Variants in BBS9 observed in about 807,000 individuals in gnomAD.
BBS9 encodes protein PTHB1.
Under a neutral mutation model 117.7 loss-of-function variants are expected in BBS9, and 89 were observed. The ratio of observed to expected loss-of-function variants is 0.76; its 90% CI spans 0.64 to 0.90. The LOEUF (loss-of-function observed/expected upper bound fraction) is 0.90, where lower values mean the gene tolerates loss of function less well. Among genes scored for constraint, BBS9 ranks in the 40% least tolerant of loss-of-function variants. The pLI, the probability that BBS9 is intolerant of heterozygous loss-of-function variation, is 0.00. For missense variants in BBS9, 982 were observed against 1,042.2 expected (o/e 0.94, Z 0.80); for synonymous variants, 379 against 370.9 (o/e 1.02, Z -0.25).
intron 15 of BBS9, among the ~76,000 whole-genome samples, chr7:33,353,359 T>C (rs1819025158): frequency 6.6e-6 from 1 of 152,194 alleles, no homozygotes; most frequent in Non-Finnish European, 1.5e-5. Flanking sequence ...TGTAGGGGAA[T>C]GTTATCAAAC....
At chr7:33,219,671 A>G (rs921210961) in intron 5 of BBS9, among the ~76,000 whole-genome samples, 1 of 151,966 alleles carries the variant, frequency 6.6e-6, no homozygotes, top group Non-Finnish European at 1.5e-5. Flanking sequence ...GACATGGAGA[A>G]CCTTTGTGTC....
rs758450052 is a variant in BBS9, at chr7:33,303,522, T to TCCCCC, written c.1016+29568_1016+29572dup. On this transcript the variant is annotated intron_variant, in intron 9 of 22. Coordinates refer to ENST00000242067, the MANE Select transcript of BBS9 (RefSeq NM_198428.3). ...TTTAGTATCAACTGAAATGATCCCC[T>TCCCCC]CCCCCCGCCCCTTCTTTCTTTGGTC... Among the ~76,000 whole-genome samples the TCCCCC allele has an allele frequency of 6.4e-4, 49 of 77,052 alleles. 1 individual carries two copies. The highest frequency in any genetic ancestry group is 2.1e-3 in the African/African-American group (35 of 17,054). 50.5% of individuals were successfully genotyped at this position (77,052 alleles called of 152,430 possible). A position where few individuals can be genotyped will look rare whatever the true frequency, so the allele number is the denominator to read the frequency against.
At chr7:33,343,498 T>TCCCCG (rs1269908581) in intron 11 of BBS9, among the ~76,000 whole-genome samples, 1 of 145,078 alleles carries the variant, frequency 6.9e-6, no homozygotes. Flanking sequence ...TCCCCTCCCC[T>TCCCCG]CCCCGCCCCT....
At chr7:33,635,266 A>G (rs1407109865) in exon 22 of BBS9, among the ~76,000 whole-genome samples, 1 of 152,294 alleles carries the variant, frequency 6.6e-6, no homozygotes, top group African/African-American at 2.4e-5. Flanking sequence ...GGGACCCAAA[A>G]GCTAAGCGGG....
chr7:33,420,368 AAC>A (rs1269029298), intron 19 of BBS9, among the ~76,000 whole-genome samples: 1 of 152,126 alleles, frequency 6.6e-6, no homozygotes, highest in Non-Finnish European at 1.5e-5. Flanking sequence ...TCTTCTCTAC[AAC>A]ACAGTGTTGT....
chr7:33,333,113 A>G (rs1024647432), intron 9 of BBS9, among the ~76,000 whole-genome samples: 1 of 152,062 alleles, frequency 6.6e-6, no homozygotes, highest in African/African-American at 2.4e-5. Context: ...GCTTACATGG[A>G]TAAGTTCTTT....
At chr7:33,562,795 G>A (rs568404771) in intron 21 of BBS9, among the ~76,000 whole-genome samples, 19 of 152,192 alleles carry the variant, frequency 1.2e-4, no homozygotes, top group South Asian at 2.1e-4. Flanking sequence ...ATGGTGGCAC[G>A]CGCCTGTAGT....
intron 1 of BBS9, among the ~76,000 whole-genome samples, chr7:33,137,120 C>T (rs923227667): frequency 2.0e-5 from 3 of 152,090 alleles, no homozygotes; most frequent in African/African-American, 4.8e-5. Flanking sequence ...CCTGTGCTGT[C>T]GGTGCCCAGA....
At chr7:33,610,960 C>G (rs1864823896), downstream of BBS9, among the ~76,000 whole-genome samples, 1 of 152,054 alleles carries the variant, frequency 6.6e-6, no homozygotes, top group Admixed American at 6.6e-5. Flanking sequence ...AGCAGCCACT[C>G]CATGAATTGT....
At chr7:33,254,567 A>G (rs1796719451) in intron 5 of BBS9, among the ~76,000 whole-genome samples, 1 of 152,174 alleles carries the variant, frequency 6.6e-6, no homozygotes, top group Non-Finnish European at 1.5e-5. Context: ...AGTGTCCATT[A>G]TTATTCACTG....
intron 21 of BBS9, among the ~76,000 whole-genome samples, chr7:33,628,855 T>C (rs1865759810): frequency 6.6e-6 from 1 of 152,206 alleles, no homozygotes; most frequent in African/African-American, 2.4e-5. Flanking sequence ...CACTTGATAA[T>C]ATCCATATAT....
chr7:33,497,607 A>G lies in BBS9; in HGVS notation c.2116-7856A>G, dbSNP rs190028979. On this transcript the variant is annotated intron_variant, in intron 19 of 22. Coordinates refer to ENST00000242067, the MANE Select transcript of BBS9 (RefSeq NM_198428.3). ...ACAAGCAATGTCTGGCTCCCCAAGT[A>G]ACAAGCCTCAGAGGATTTCTAGAGA... is the stretch of plus-strand genomic sequence containing the variant. 2.7e-3 allele frequency among the ~76,000 whole-genome samples: 405 copies of G among 152,326 alleles called. 4 individuals are homozygous for G. Among genetic ancestry groups the G allele is most frequent in the African/African-American group, 9.2e-3 (381 of 41,572 alleles).
At chr7:33,162,872 T>C (rs1305520037) in intron 4 of BBS9, among the ~76,000 whole-genome samples, 1 of 152,174 alleles carries the variant, frequency 6.6e-6, no homozygotes, top group African/African-American at 2.4e-5. Context: ...CTATGTTGAA[T>C]AGGAGTCGTG....
chr7:33,537,057 T>C (rs1282277918), intron 21 of BBS9, among the ~76,000 whole-genome samples: 1 of 152,076 alleles, frequency 6.6e-6, no homozygotes, highest in Non-Finnish European at 1.5e-5. Flanking sequence ...TAAGATTTAG[T>C]TGGGACCTTC....
chr7:33,135,853 A>G (rs1306742249), intron 1 of BBS9, among the ~76,000 whole-genome samples: 2 of 152,262 alleles, frequency 1.3e-5, no homozygotes, highest in South Asian at 4.1e-4. Context: ...TTTAATTTCT[A>G]TAACAATGTT....
intron 21 of BBS9, among the ~76,000 whole-genome samples, chr7:33,571,881 A>G (rs1217143639): frequency 1.3e-5 from 2 of 152,080 alleles, no homozygotes; most frequent in Admixed American, 6.6e-5. Context: ...CAATGATCAA[A>G]TTAGGGTAAT....
intron 17 of BBS9, among the ~76,000 whole-genome samples, chr7:33,374,782 T>G (rs1823520031): frequency 6.6e-6 from 1 of 150,782 alleles, no homozygotes; most frequent in Non-Finnish European, 1.5e-5. Flanking sequence ...CTGCCTATAA[T>G]CCCACCTACT....
At chr7:33,331,406 G>T (rs145143814) in intron 9 of BBS9, among the ~76,000 whole-genome samples, 1,860 of 152,162 alleles carry the variant, frequency 0.012, 17 homozygotes, top group Non-Finnish European at 0.015. Context: ...CATAGTACTG[G>T]AAGTCCTAGC....
chr7:33,482,089 A>G (rs930110970), intron 19 of BBS9, among the ~76,000 whole-genome samples: 8 of 150,532 alleles, frequency 5.3e-5, no homozygotes, highest in African/African-American at 2.0e-4. Flanking sequence ...CTAAAGTGTG[A>G]TTTTTTTTTT....
Sources: allele counts gnomAD v4.1 joint callset (sites outside exome capture counted in the v4.1 genomes callset), GRCh38; gene constraint gnomAD v4.1.1; transcripts MANE v1.5; gene names NCBI Gene and HGNC (gene_info 2026-07-23, HGNC 2026-07-21).